SORCS1: variants seen among roughly 807,000 people sequenced by gnomAD.
SORCS1 encodes the protein VPS10 domain-containing receptor SorCS1.
SORCS1 carries 60 observed loss-of-function variants against 146.1 expected under a neutral mutation model. The ratio of observed to expected loss-of-function variants is 0.41; its 90% CI spans 0.33 to 0.51. SORCS1 has a LOEUF of 0.51. SORCS1 is among the 20% of genes least tolerant of loss of function. The pLI, the probability that SORCS1 is intolerant of heterozygous loss-of-function variation, is 0.21. For synonymous variants in SORCS1, 637 were observed against 584.0 expected (o/e 1.09, Z -1.31); for missense variants, 1,352 against 1,487.6 (o/e 0.91, Z 1.50).
At chr10:106,911,883 T>G (rs369704655) in intron 2 of SORCS1, among the ~76,000 whole-genome samples, 4 of 152,002 alleles carry the variant, frequency 2.6e-5, no homozygotes, top group Admixed American at 2.0e-4. Context: ...GAGGCTGAGG[T>G]GGGTGGATCA....
At chr10:106,747,511 T>G (rs559328415) in intron 5 of SORCS1, among the ~76,000 whole-genome samples, 1 of 152,158 alleles carries the variant, frequency 6.6e-6, no homozygotes, top group Non-Finnish European at 1.5e-5. Context: ...AGTCTTACAG[T>G]TGGTTTTAGA....
chr10:106,991,917 C>T (rs778479785), intron 1 of SORCS1, among the ~76,000 whole-genome samples: 4 of 152,150 alleles, frequency 2.6e-5, no homozygotes, highest in Admixed American at 6.5e-5. Context: ...TGATTCTGAG[C>T]GTAAAAGTAA....
chr10:106,581,322 TACAC>T (rs3044191), intron 24 of SORCS1, among the ~76,000 whole-genome samples: 6,766 of 142,352 alleles, frequency 0.048, 353 homozygotes, highest in African/African-American at 0.13. Flanking sequence ...TCGTCATACA[TACAC>T]ACACACACAC....
chr10:106,625,099 G>A (rs928996339), intron 19 of SORCS1, among the ~76,000 whole-genome samples: 3 of 152,182 alleles, frequency 2.0e-5, no homozygotes, highest in African/African-American at 7.2e-5. Context: ...TGAGAGAAAT[G>A]GGGAATTGTG....
chr10:106,620,274 T>G, intron 20 of SORCS1, 154 bp downstream of exon 20: 2 of 838,582 alleles, frequency 2.4e-6, no homozygotes, highest in Non-Finnish European at 1.8e-6. Context: ...GAGAACATAA[T>G]GATGAGATAC....
intron 2 of SORCS1, among the ~76,000 whole-genome samples, chr10:106,925,389 C>G (rs558037196): frequency 5.7e-4 from 87 of 152,306 alleles, no homozygotes; most frequent in African/African-American, 2.1e-3. Flanking sequence ...CCACACTTAA[C>G]TGGCTGTCCC....
At chr10:106,989,930 C>A (rs1956697916) in intron 1 of SORCS1, among the ~76,000 whole-genome samples, 2 of 152,080 alleles carry the variant, frequency 1.3e-5, no homozygotes, top group Non-Finnish European at 2.9e-5. Context: ...TCGAGATCCA[C>A]CTGCCTCGGC....
intron 8 of SORCS1, among the ~76,000 whole-genome samples, chr10:106,700,141 C>T (rs1854026056): frequency 6.6e-6 from 1 of 152,164 alleles, no homozygotes; most frequent in African/African-American, 2.4e-5. Context: ...AGATAGCCTG[C>T]ATAACTGATG....
intron 1 of SORCS1, among the ~76,000 whole-genome samples, chr10:106,981,889 T>C (rs1444545812): frequency 2.0e-5 from 3 of 152,222 alleles, no homozygotes; most frequent in East Asian, 1.9e-4. Context: ...GAAGTCTTCA[T>C]GGATCTCCTA....
intron 3 of SORCS1, among the ~76,000 whole-genome samples, chr10:106,779,545 ATAT>A (rs778306967): frequency 1.4e-4 from 16 of 116,742 alleles, no homozygotes; most frequent in African/African-American, 3.5e-4. Context: ...ATTATGGCCC[ATAT>A]TTTTTTTTTT....
chr10:106,693,771 G>A (rs1423619045), intron 9 of SORCS1, among the ~76,000 whole-genome samples: 1 of 152,070 alleles, frequency 6.6e-6, no homozygotes, highest in Non-Finnish European at 1.5e-5. Context: ...AATATCTCTA[G>A]TACTTCTTAT....
rs546074382 is a variant in SORCS1 at position 107,139,290 on chromosome 10, T to C, written c.558+24679A>G. Among the ~76,000 whole-genome samples, 4 of 152,316 alleles carry C rather than the reference T, an allele frequency of 2.6e-5. No individual in the cohort carries two copies. In the South Asian group the frequency reaches 6.2e-4, roughly 24 times the overall value. On this transcript the variant is annotated intron_variant, in intron 1 of 25. Coordinates refer to ENST00000263054, the MANE Select transcript of SORCS1 (RefSeq NM_052918.5). Reference sequence around the variant, plus strand: ...ACCAAGCTAGTAATAGGCAGAGTTGTGCACTTAGTTTTAGCCATGTTGATA... The same window carrying C: ...ACCAAGCTAGTAATAGGCAGAGTTGCGCACTTAGTTTTAGCCATGTTGATA...
intron 3 of SORCS1, among the ~76,000 whole-genome samples, chr10:106,818,203 G>A (rs938538949): frequency 6.6e-6 from 1 of 152,068 alleles, no homozygotes; most frequent in Admixed American, 6.6e-5. Flanking sequence ...GATACATGCT[G>A]AATATATCAA....
intron 2 of SORCS1, among the ~76,000 whole-genome samples, chr10:106,836,632 G>T (rs1948802600): frequency 6.6e-6 from 1 of 151,762 alleles, no homozygotes; most frequent in East Asian, 1.9e-4. Context: ...TTTGGTAAAA[G>T]AAACATTAAC....
At chr10:106,846,646 AT>A (rs1365579930) in intron 2 of SORCS1, among the ~76,000 whole-genome samples, 3 of 16,136 alleles carry the variant, frequency 1.9e-4, no homozygotes, top group African/African-American at 4.4e-4. Context: ...GAGAGAGGGC[AT>A]TCCTGTCTTG....
intron 8 of SORCS1, among the ~76,000 whole-genome samples, chr10:106,703,734 C>A (rs1418374644): frequency 6.6e-6 from 1 of 152,200 alleles, no homozygotes; most frequent in Non-Finnish European, 1.5e-5. Flanking sequence ...TGCACCAGCC[C>A]TGACAGGCCA....
At chr10:106,750,751 A>G (rs1214467701) in intron 5 of SORCS1, among the ~76,000 whole-genome samples, 8 of 120,952 alleles carry the variant, frequency 6.6e-5, no homozygotes, top group East Asian at 2.9e-4. Flanking sequence ...AAAAAAAAAA[A>G]AAAAAAAAAA....
the SORCS1 span, among the ~76,000 whole-genome samples, chr10:107,176,248 C>A: frequency 6.7e-6 from 1 of 150,374 alleles, no homozygotes; most frequent in Non-Finnish European, 1.5e-5. Context: ...TGTTTTCCTT[C>A]CTTCCTTCCT....
In SORCS1 at chr10:106,688,356, G is replaced by A; in HGVS notation, c.1414-18C>T. On this transcript the variant is annotated intron_variant, in intron 9 of 25. Coordinates refer to ENST00000263054, the MANE Select transcript of SORCS1 (RefSeq NM_052918.5). Reference sequence around the variant, plus strand: ...CCTGCTACCTGGGAAAAATTGACATGGCTGAAAAATACATCAATTTGAGAA... The same window carrying A: ...CCTGCTACCTGGGAAAAATTGACATAGCTGAAAAATACATCAATTTGAGAA... The A allele has an allele frequency of 1.9e-6, 3 of 1,606,498 alleles. No homozygotes were observed. Among genetic ancestry groups the A allele is most frequent in the Non-Finnish European group, 2.5e-6 (3 of 1,177,552 alleles).
Sources: allele counts gnomAD v4.1 joint callset (sites outside exome capture counted in the v4.1 genomes callset), GRCh38; gene constraint gnomAD v4.1.1; transcripts MANE v1.5; gene names NCBI Gene and HGNC (gene_info 2026-07-23, HGNC 2026-07-21).